MMRN1: variants seen among roughly 807,000 people sequenced by gnomAD.
The protein encoded by MMRN1 is multimerin-1.
MMRN1 carries 94 observed loss-of-function variants against 100.7 expected under a neutral mutation model. The ratio of observed to expected loss-of-function variants is 0.93; its 90% CI spans 0.79 to 1.11. The LOEUF (loss-of-function observed/expected upper bound fraction) is 1.11, where lower values mean the gene tolerates loss of function less well. MMRN1 is among the 50% of genes least tolerant of loss of function. The probability of loss-of-function intolerance (pLI) is 0.00; values close to 1 mark genes in which losing one functional copy is unlikely to be tolerated. For synonymous variants in MMRN1, 575 were observed against 505.0 expected, an observed-to-expected ratio of 1.14 and a Z score of -1.86; for missense variants, 1,606 against 1,439.1, an observed-to-expected ratio of 1.12 and a Z score of -1.88.
Position 89,926,040 on chromosome 4 carries a change from A to C in MMRN1, c.956-1755A>C, listed in dbSNP as rs575073949. On this transcript the variant is annotated intron_variant, in intron 4 of 7. Transcript: ENST00000264790. The stretch of plus-strand genomic sequence containing the variant: ...TCCATTCATCTGTTGATGGTCATGT[A>C]TGTTTCTTCCATATCTTGGCTATTG... 3.3e-5 allele frequency among the ~76,000 whole-genome samples: 5 copies of C among 152,228 alleles called. No homozygotes were observed. The South Asian group carries it at 1.0e-3, about 32-fold the overall frequency.
At chr4:89,909,154 A>G (rs1395638452) in intron 1 of MMRN1, 122 bp from the exon 2 acceptor site, 5 of 960,658 alleles carry the variant, frequency 5.2e-6, no homozygotes, top group African/African-American at 5.0e-5. Context: ...CTAAATAGCA[A>G]TCTTACAAGG....
chr4:89,884,865 T>C (rs952959061), intron 1 of MMRN1, among the ~76,000 whole-genome samples: 13 of 152,188 alleles, frequency 8.5e-5, no homozygotes, highest in Admixed American at 4.6e-4. Flanking sequence ...TGCTAATTTC[T>C]TTTATTCCTT....
chr4:89,904,637 T>G (rs879508067), intron 1 of MMRN1, among the ~76,000 whole-genome samples: 4 of 151,772 alleles, frequency 2.6e-5, no homozygotes, highest in Non-Finnish European at 5.9e-5. Context: ...TGTGCGTGTG[T>G]GTCTGTGTGT....
At position 89,909,325 on chromosome 4, in the gene MMRN1, G is replaced by T. The variant is rs1200287618; in HGVS notation, c.673G>T (p.Asp225Tyr). The change falls in exon 2 of 8, where the codon GAC (aspartate) becomes TAC (tyrosine). Residue 225 changes from aspartate (D) to tyrosine (Y), a missense_variant. Physicochemically the swap from Asp to Tyr is radical, Grantham distance 160 (BLOSUM62 -3). Transcript: ENST00000264790. ...HTRLSPTVIL[D>Y]NQVTYVPGGK... Reference sequence around the variant, plus strand: ...CAGGTTATCTCCCACAGTGATATTGGACAACCAGGTCACTTATGTCCCAGG... The same window carrying T: ...CAGGTTATCTCCCACAGTGATATTGTACAACCAGGTCACTTATGTCCCAGG... The T allele has an allele frequency of 1.9e-6, 3 of 1,609,876 alleles. No individual in the cohort carries two copies. In the South Asian group the frequency reaches 3.3e-5, roughly 18 times the overall value.
chr4:89,896,160 A>G (rs1372509), intron 1 of MMRN1, among the ~76,000 whole-genome samples: 63,156 of 151,864 alleles, frequency 0.42, 13,579 homozygotes, highest in Admixed American at 0.46. Flanking sequence ...GATTTAATAC[A>G]AGGAATGTCA....
intron 1 of MMRN1, among the ~76,000 whole-genome samples, chr4:89,903,533 CA>C (rs995112510): frequency 6.6e-6 from 1 of 150,804 alleles, no homozygotes; most frequent in Admixed American, 6.6e-5. Context: ...GTATCTGAGG[CA>C]AAAAAATATT....
At chr4:89,939,180 T>G (rs926451253) in intron 6 of MMRN1, among the ~76,000 whole-genome samples, 2 of 152,122 alleles carry the variant, frequency 1.3e-5, no homozygotes, top group African/African-American at 4.8e-5. Flanking sequence ...ACACACTGTT[T>G]AAATTTGGCT....
At chr4:89,950,455 A>G (rs1350794517) in intron 6 of MMRN1, among the ~76,000 whole-genome samples, 1 of 152,200 alleles carries the variant, frequency 6.6e-6, no homozygotes, top group Non-Finnish European at 1.5e-5. Flanking sequence ...CACTCCAGCC[A>G]GCATTGCATG....
At chr4:89,892,586 T>C (rs147088555), upstream of MMRN1, among the ~76,000 whole-genome samples, 1,204 of 151,998 alleles carry the variant, frequency 7.9e-3, 17 homozygotes, top group African/African-American at 0.027. Flanking sequence ...CTAAATGAGC[T>C]TGAGATTCTC....
Position 89,909,257 on chromosome 4 carries a change from C to A in MMRN1, c.624-19C>A. ...TTTTTGACAACAGTTTTTTCCCTAA[C>A]AATTATGATCTTCTTTAGGAATTGG... is the stretch of plus-strand genomic sequence containing the variant. On this transcript the variant is annotated intron_variant, in intron 1 of 7. Transcript: ENST00000264790. 6.4e-7 allele frequency: 1 copy of A among 1,561,420 alleles called. No homozygotes were observed. The highest frequency in any genetic ancestry group is 1.2e-5 in the South Asian group (1 of 83,136).
chr4:89,933,114 G>T (rs1007901711), intron 5 of MMRN1, among the ~76,000 whole-genome samples: 8 of 152,130 alleles, frequency 5.3e-5, no homozygotes, highest in Admixed American at 2.6e-4. Context: ...AATTTCTTCT[G>T]CCAGGTATCC....
intron 6 of MMRN1, among the ~76,000 whole-genome samples, chr4:89,949,124 A>T (rs1449403790): frequency 6.6e-6 from 1 of 152,236 alleles, no homozygotes; most frequent in Non-Finnish European, 1.5e-5. Context: ...GACATTAAAT[A>T]GCAGGCAGAA....
In MMRN1 at chr4:89,953,294, C is replaced by G. The variant is rs769796688; in HGVS notation, c.3563C>G (p.Thr1188Ser). 2 of 1,613,744 alleles carry G rather than the reference C, an allele frequency of 1.2e-6. No homozygotes were observed. Among genetic ancestry groups the G allele is most frequent in the African/African-American group, 2.7e-5 (2 of 74,916 alleles). The stretch of plus-strand genomic sequence containing the variant: ...GAAATACACTGTGATAGGGTTTTAA[C>G]TGGGGATGCCTTATTAGAATTAAAT... Reference protein sequence around the residue: ...NSEIHCDRVLTGDALLELNYG... With the variant: ...NSEIHCDRVLSGDALLELNYG... The change falls in exon 8 of 8, where the codon ACT (threonine) becomes AGT (serine). Residue 1188 changes from threonine (T) to serine (S), a missense_variant. Thr to Ser is a moderately conservative substitution (Grantham distance 58). Transcript: ENST00000264790.
intron 1 of MMRN1, among the ~76,000 whole-genome samples, chr4:89,897,176 A>G (rs1156623678): frequency 6.6e-6 from 1 of 152,096 alleles, no homozygotes; most frequent in Non-Finnish European, 1.5e-5. Flanking sequence ...CATTCATGGG[A>G]AACGATTGTG....
At chr4:89,915,347 G>A (rs1375295117) in intron 3 of MMRN1, among the ~76,000 whole-genome samples, 2 of 151,446 alleles carry the variant, frequency 1.3e-5, no homozygotes, top group Admixed American at 6.6e-5. Context: ...GCACCAAACT[G>A]CCTACTTCAA....
At chr4:89,949,105 C>T (rs1397973565) in intron 6 of MMRN1, among the ~76,000 whole-genome samples, 2 of 152,146 alleles carry the variant, frequency 1.3e-5, no homozygotes, top group Admixed American at 6.5e-5. Context: ...AAATGGAATG[C>T]TGCTCCTGGA....
At chr4:89,889,724 A>G (rs1440470283) in intron 1 of MMRN1, among the ~76,000 whole-genome samples, 2 of 152,088 alleles carry the variant, frequency 1.3e-5, no homozygotes, top group Non-Finnish European at 2.9e-5. Context: ...ACTAGACATC[A>G]TGTGTTCACC....
At chr4:89,950,785 C>G (rs1723140737) in intron 6 of MMRN1, among the ~76,000 whole-genome samples, 1 of 151,974 alleles carries the variant, frequency 6.6e-6, no homozygotes, top group South Asian at 2.1e-4. Context: ...TCTCAAACAC[C>G]TGGACTCAAG....
chr4:89,882,775 C>A (rs1720848701), intron 1 of MMRN1, among the ~76,000 whole-genome samples: 1 of 151,834 alleles, frequency 6.6e-6, no homozygotes, highest in Non-Finnish European at 1.5e-5. Context: ...GTAATATATA[C>A]ACATTAAAAT....
Sources: gnomAD v4.1 joint callset for allele counts (sites outside exome capture counted in the v4.1 genomes callset) on GRCh38, gnomAD v4.1.1 for gene constraint, MANE v1.5 for transcripts, NCBI Gene and HGNC (gene_info 2026-07-23, HGNC 2026-07-21) for gene names.